Variants in FGF14 observed in about 807,000 individuals in gnomAD.
The protein encoded by FGF14 is fibroblast growth factor 14, also known as fibroblast growth factor homologous factor 4.
In FGF14, 5 loss-of-function variants were observed where a neutral mutation model predicts 25.5. The observed-to-expected ratio is 0.20, with a 90% confidence interval of 0.10 to 0.41. FGF14 has a LOEUF of 0.41. FGF14 is among the 10% of genes least tolerant of loss of function. FGF14 has a pLI of 1.00. For missense variants in FGF14, 222 were observed against 320.1 expected (o/e 0.69, Z 2.34); for synonymous variants, 138 against 118.3 (o/e 1.17, Z -1.08).
chr13:102,039,473 C>G (rs1205072527), intron 1 of FGF14, among the ~76,000 whole-genome samples: 2 of 152,130 alleles, frequency 1.3e-5, no homozygotes, highest in Non-Finnish European at 2.9e-5. Context: ...GTCCTACAGC[C>G]TCTGAGGGAG....
chr13:101,966,585 C>A (rs974516386), intron 1 of FGF14, among the ~76,000 whole-genome samples: 8 of 152,082 alleles, frequency 5.3e-5, no homozygotes, highest in Non-Finnish European at 1.2e-4. Flanking sequence ...CAGGTTCAAG[C>A]AATTCTCCTT....
At chr13:102,068,340 G>A (rs1041140387) in intron 1 of FGF14, among the ~76,000 whole-genome samples, 2 of 152,220 alleles carry the variant, frequency 1.3e-5, no homozygotes, top group East Asian at 1.9e-4. Context: ...GCTCGCTCTC[G>A]GCGCCTCCTC....
chr13:101,943,488 A>T (rs2035581778), intron 1 of FGF14, among the ~76,000 whole-genome samples: 1 of 152,306 alleles, frequency 6.6e-6, no homozygotes, highest in Admixed American at 6.5e-5. Context: ...ATGCTGCTAA[A>T]CATTCTACAA....
At chr13:102,387,936 G>T (rs2058344340) in intron 1 of FGF14, among the ~76,000 whole-genome samples, 1 of 152,118 alleles carries the variant, frequency 6.6e-6, no homozygotes. Context: ...CACCACGTTG[G>T]CCAGGATGGT....
At chr13:102,020,971 A>C (rs557597604) in intron 1 of FGF14, among the ~76,000 whole-genome samples, 1 of 151,932 alleles carries the variant, frequency 6.6e-6, no homozygotes, top group South Asian at 2.1e-4. Flanking sequence ...GATAAACAAG[A>C]AGGTTGGAGG....
intron 1 of FGF14, among the ~76,000 whole-genome samples, chr13:101,948,339 C>T (rs939258138): frequency 1.3e-5 from 2 of 151,800 alleles, no homozygotes; most frequent in Non-Finnish European, 2.9e-5. Flanking sequence ...TCTATAGGAA[C>T]CACTGAAAAG....
chr13:102,397,687 A>T (rs1249822616), intron 1 of FGF14, among the ~76,000 whole-genome samples: 1 of 152,166 alleles, frequency 6.6e-6, no homozygotes, highest in African/African-American at 2.4e-5. Context: ...CAGCAATGAC[A>T]TGACCTTAGT....
chr13:102,302,796 A>G (rs1005524337), intron 1 of FGF14, among the ~76,000 whole-genome samples: 2 of 151,846 alleles, frequency 1.3e-5, no homozygotes, highest in African/African-American at 2.4e-5. Flanking sequence ...CTCCACCAAA[A>G]CCACCCTTGT....
intron 3 of FGF14, among the ~76,000 whole-genome samples, chr13:101,727,453 C>G (rs1469345911): frequency 6.6e-6 from 1 of 152,100 alleles, no homozygotes; most frequent in Non-Finnish European, 1.5e-5. Flanking sequence ...CCCGTTGGAA[C>G]TCTTGAAGAT....
intron 1 of FGF14, among the ~76,000 whole-genome samples, chr13:102,249,005 G>A (rs759813266): frequency 1.1e-4 from 16 of 152,128 alleles, no homozygotes; most frequent in Non-Finnish European, 1.9e-4. Flanking sequence ...GTAATGTCCT[G>A]GGAAAGAAAG....
At chr13:101,900,788 G>A (rs1287603499) in intron 1 of FGF14, among the ~76,000 whole-genome samples, 3 of 152,096 alleles carry the variant, frequency 2.0e-5, no homozygotes, top group Non-Finnish European at 2.9e-5. Context: ...AATTAATTAA[G>A]TTGTGTATGA....
chr13:101,780,528 C>T (rs543880514), intron 3 of FGF14, among the ~76,000 whole-genome samples: 2 of 152,158 alleles, frequency 1.3e-5, no homozygotes, highest in Non-Finnish European at 2.9e-5. Context: ...AACATGAAGT[C>T]CAAATCTCCA....
intron 1 of FGF14, among the ~76,000 whole-genome samples, chr13:101,904,131 T>C (rs757282519): frequency 2.6e-5 from 4 of 152,210 alleles, no homozygotes; most frequent in Non-Finnish European, 4.4e-5. Flanking sequence ...AATGGGTTCA[T>C]TGCATAGAGG....
chr13:102,092,308 A>G (rs1408923139), intron 1 of FGF14, among the ~76,000 whole-genome samples: 2 of 152,196 alleles, frequency 1.3e-5, no homozygotes, highest in African/African-American at 2.4e-5. Context: ...AGTCTTATGC[A>G]TTGCTGTTTG....
chr13:102,099,853 C>A (rs915392245), intron 1 of FGF14, among the ~76,000 whole-genome samples: 5 of 151,868 alleles, frequency 3.3e-5, no homozygotes, highest in African/African-American at 1.2e-4. Context: ...TTTAGTAGGG[C>A]CCTAGCAATG....
intron 3 of FGF14, among the ~76,000 whole-genome samples, chr13:101,754,796 T>C (rs888333998): frequency 1.3e-5 from 2 of 152,136 alleles, no homozygotes; most frequent in Non-Finnish European, 2.9e-5. Context: ...TTCCATTCTA[T>C]AAATGGAGAA....
At chr13:101,979,480 GA>G (rs1389863937) in intron 1 of FGF14, among the ~76,000 whole-genome samples, 3 of 152,106 alleles carry the variant, frequency 2.0e-5, no homozygotes, top group African/African-American at 7.2e-5. Flanking sequence ...TTACAGAAGA[GA>G]AAACCGAGGA....
intron 1 of FGF14, among the ~76,000 whole-genome samples, chr13:101,978,915 T>G (rs758122132): frequency 6.6e-6 from 1 of 152,166 alleles, no homozygotes. Context: ...ACGGAGACTT[T>G]CCTGGAGAAA....
intron 1 of FGF14, among the ~76,000 whole-genome samples, chr13:102,095,595 C>A (rs2044356057): frequency 6.6e-6 from 1 of 152,166 alleles, no homozygotes; most frequent in Non-Finnish European, 1.5e-5. Flanking sequence ...ACCTCTCCAT[C>A]TCTGTCACCT....
Sources: allele counts gnomAD v4.1 joint callset (sites outside exome capture counted in the v4.1 genomes callset), GRCh38; gene constraint gnomAD v4.1.1; transcripts MANE v1.5; gene names NCBI Gene and HGNC (gene_info 2026-07-23, HGNC 2026-07-21).